The following DPP4 variants were observed in gnomAD, a reference collection of about 807,000 sequenced individuals.
DPP4 encodes dipeptidyl peptidase 4, also known as ADCP-2.
A neutral mutation model predicts 122.4 loss-of-function variants in DPP4; 93 were observed. The observed-to-expected ratio is 0.76, with a 90% CI of 0.64 to 0.90. DPP4 has a LOEUF of 0.90. Among genes scored for constraint, DPP4 ranks in the 40% least tolerant of loss-of-function variants. The pLI, the probability that DPP4 is intolerant of heterozygous loss-of-function variation, is 0.00. For missense variants in DPP4, 914 were observed against 907.3 expected, an observed-to-expected ratio of 1.01 and a Z score of -0.09; for synonymous variants, 321 against 302.9, an observed-to-expected ratio of 1.06 and a Z score of -0.62.
intron 10 of DPP4, among the ~76,000 whole-genome samples, chr2:162,030,890 T>C (rs531712504): frequency 6.6e-6 from 1 of 152,294 alleles, no homozygotes; most frequent in South Asian, 2.1e-4. Flanking sequence ...CTTAAAGAAC[T>C]ACTGAGAACA....
Position 162,045,581 on chromosome 2 carries a change from G to T in DPP4, c.317C>A (p.Ser106Ter). Residue 106 changes from serine (S) to a stop codon, truncating the protein, a stop_gained, in exon 5 of 26, where the codon TCA becomes TAA. Transcript: ENST00000360534. LOFTEE classifies it high-confidence loss of function. Reference sequence around the variant, plus strand: ...AATAAACTGCCCATCAGGAGATATTGAATAATCATTGATAGAATGTCCAAA... The same window carrying T: ...AATAAACTGCCCATCAGGAGATATTTAATAATCATTGATAGAATGTCCAAA... ...DEFGHSINDY[S>*]ISPDGQFILL... is the part of the protein sequence containing the mutation. 2 of 1,612,672 alleles carry T rather than the reference G, an allele frequency of 1.2e-6. No homozygotes were observed. Among genetic ancestry groups the T allele is most frequent in the African/African-American group, 1.3e-5 (1 of 74,976 alleles).
intron 2 of DPP4, among the ~76,000 whole-genome samples, chr2:162,052,103 G>C (rs1684402334): frequency 6.6e-6 from 1 of 151,990 alleles, no homozygotes; most frequent in Non-Finnish European, 1.5e-5. Context: ...CAGATAACCT[G>C]AGGTTGGGAG....
intron 23 of DPP4, among the ~76,000 whole-genome samples, chr2:162,004,202 C>T (rs1231494309): frequency 6.6e-6 from 1 of 152,136 alleles, no homozygotes; most frequent in Non-Finnish European, 1.5e-5. Context: ...GAACCATGAA[C>T]ATGTTGTGGG....
chr2:162,066,138 C>A (rs1684938808), intron 2 of DPP4, among the ~76,000 whole-genome samples: 1 of 152,124 alleles, frequency 6.6e-6, no homozygotes. Context: ...AAGAGAAATT[C>A]TTTACTTAAG....
chr2:162,057,087 G>T lies in DPP4; in HGVS notation c.95-9586C>A, dbSNP rs1295619862. Among the ~76,000 whole-genome samples, 659 of 152,226 alleles carry T rather than the reference G, an allele frequency of 4.3e-3. 7 individuals carry two copies. The highest frequency in any genetic ancestry group is 0.015 in the African/African-American group (624 of 41,524). ...GCACCCATTCCCTAGGTCCCTGCCT[G>T]CCAAATCATCCTTAAAAACCCTAAC... is the stretch of plus-strand genomic sequence containing the variant. On this transcript the variant is annotated intron_variant, in intron 2 of 25. Transcript: ENST00000360534.
At chr2:162,047,029 T>C (rs1279655939) in intron 3 of DPP4, 23 bp from the exon 4 acceptor site, 2 of 1,324,762 alleles carry the variant, frequency 1.5e-6, no homozygotes, top group Admixed American at 1.9e-5. Context: ...AACACCCAGA[T>C]CAAAATTTCA....
chr2:162,070,246 T>C (rs1354291418), intron 2 of DPP4, among the ~76,000 whole-genome samples: 1 of 152,196 alleles, frequency 6.6e-6, no homozygotes, highest in Non-Finnish European at 1.5e-5. Context: ...TTGTGCTTGG[T>C]GAAATGAATA....
At position 162,016,828 on chromosome 2, in the gene DPP4, T is replaced by C. The variant is rs1186482015; in HGVS notation, c.1507A>G (p.Met503Val). 1 of 1,613,170 alleles carries C rather than the reference T, an allele frequency of 6.2e-7. No individual in the cohort carries two copies. Among genetic ancestry groups the C allele is most frequent in the Non-Finnish European group, 8.5e-7 (1 of 1,179,810 alleles). Residue 503 changes from methionine (M) to valine (V), a missense_variant, in exon 18 of 26, where the codon ATG becomes GTG. Met to Val is a conservative substitution (Grantham distance 21, BLOSUM62 1). Coordinates refer to ENST00000360534, the MANE Select transcript of DPP4 (RefSeq NM_001935.4). ...GAGGGCATCTGGACATTCTGCAGCATTTTATCCAAAGCTGAATTGTCTTCC... is the reference window on the plus strand; with the variant it reads ...GAGGGCATCTGGACATTCTGCAGCACTTTATCCAAAGCTGAATTGTCTTCC... ...VLEDNSALDK[M>V]LQNVQMPSKK...
At chr2:162,015,164 G>C (rs1682865521) in intron 18 of DPP4, among the ~76,000 whole-genome samples, 2 of 152,108 alleles carry the variant, frequency 1.3e-5, no homozygotes, top group Admixed American at 1.3e-4. Context: ...CTATAAAAAA[G>C]TGTTTTTCCA....
At chr2:162,056,479 T>G (rs1472087284) in intron 2 of DPP4, among the ~76,000 whole-genome samples, 3 of 152,076 alleles carry the variant, frequency 2.0e-5, no homozygotes, top group African/African-American at 7.2e-5. Flanking sequence ...CTAGACAGAG[T>G]GAGCACAGGA....
At chr2:161,997,974 G>T (rs963123722) in intron 23 of DPP4, among the ~76,000 whole-genome samples, 1 of 152,078 alleles carries the variant, frequency 6.6e-6, no homozygotes, top group Non-Finnish European at 1.5e-5. Flanking sequence ...GAAACAGTGT[G>T]AAATAAAATG....
At chr2:162,014,580 G>C (rs1398125842) in intron 18 of DPP4, 115 bp from the exon 19 acceptor site, 2 of 699,594 alleles carry the variant, frequency 2.9e-6, no homozygotes, top group Non-Finnish European at 4.8e-6. Flanking sequence ...TGTTAAATGA[G>C]AGTAGAAAAG....
At chr2:162,022,919 A>G (rs1576045961) in intron 11 of DPP4, 120 bp from the exon 12 acceptor site, 24 of 967,580 alleles carry the variant, frequency 2.5e-5, no homozygotes, top group Non-Finnish European at 3.6e-5. Context: ...ATCTCCATTC[A>G]TATATTTCTA....
At chr2:162,063,670 A>G (rs1309990064) in intron 2 of DPP4, among the ~76,000 whole-genome samples, 2 of 151,850 alleles carry the variant, frequency 1.3e-5, no homozygotes, top group African/African-American at 4.8e-5. Flanking sequence ...ACAAGAATAC[A>G]GCTGTTTTAG....
intron 23 of DPP4, among the ~76,000 whole-genome samples, chr2:162,004,468 G>A (rs777202099): frequency 6.6e-6 from 1 of 152,002 alleles, no homozygotes; most frequent in Non-Finnish European, 1.5e-5. Context: ...GTTTTGCAGG[G>A]GTAGATGATT....
At position 162,056,521 on chromosome 2, in the gene DPP4, C is replaced by A. The variant is rs147025457; in HGVS notation, c.95-9020G>T. Among the ~76,000 whole-genome samples, 13 of 152,314 alleles carry A rather than the reference C, an allele frequency of 8.5e-5. No homozygotes were observed. The East Asian group carries it at 2.5e-3, about 29-fold the overall frequency. On this transcript the variant is annotated intron_variant, in intron 2 of 25. Transcript: ENST00000360534. The stretch of plus-strand genomic sequence containing the variant: ...GAAACGGCCTTTGCAAAAATTATGA[C>A]AGTGAGAGAAATCTAAACTAACTGA...
At chr2:162,045,507 T>C (rs1228640585) in intron 5 of DPP4, 25 bp downstream of exon 5, 5 of 1,527,164 alleles carry the variant, frequency 3.3e-6, no homozygotes, top group African/African-American at 1.4e-5. Flanking sequence ...ATTTAAATGT[T>C]ACAGTAAGAA....
Position 162,022,917 on chromosome 2 carries a change from TCA to T in DPP4, c.1024-120_1024-119del. ...TATAATAACTGAGAGCTATCTCCAT[TCA>T]TATATTTCTATTTATGTTAGTATTT... On this transcript the variant is annotated intron_variant, in intron 11 of 25. Transcript: ENST00000360534. The T allele has an allele frequency of 1.2e-5, 12 of 981,302 alleles. No individual in the cohort carries two copies. The South Asian group carries it at 1.4e-4, about 11-fold the overall frequency. The allele number at this position is 981,302 out of a possible 1,614,324, so 60.8% of individuals were successfully genotyped here. A position where few individuals can be genotyped will look rare whatever the true frequency, so the allele number is the denominator to read the frequency against.
chr2:162,000,181 G>A (rs1030571717), intron 23 of DPP4, among the ~76,000 whole-genome samples: 1 of 151,928 alleles, frequency 6.6e-6, no homozygotes, highest in Non-Finnish European at 1.5e-5. Context: ...TGGGTTTAGC[G>A]GCTTGCTCTA....
Sources: allele counts gnomAD v4.1 joint callset (sites outside exome capture counted in the v4.1 genomes callset), GRCh38; gene constraint gnomAD v4.1.1; transcripts MANE v1.5; gene names NCBI Gene and HGNC (gene_info 2026-07-23, HGNC 2026-07-21).